RAB28: variants seen among roughly 807,000 people sequenced by gnomAD.
RAB28 encodes the protein RAB28, member RAS oncogene family, also known as ras-related protein Rab-28.
Under a neutral mutation model 31.7 loss-of-function variants are expected in RAB28, and 24 were observed. That is an observed-to-expected ratio of 0.76 (90% CI 0.55 to 1.06). The LOEUF (loss-of-function observed/expected upper bound fraction) is 1.06. Ranked by LOEUF, RAB28 falls within the 50% of genes least tolerant of loss-of-function variation. RAB28 has a pLI of 0.00. For missense variants in RAB28, 254 were observed against 258.5 expected (o/e 0.98, Z 0.12); for synonymous variants, 100 against 90.4 (o/e 1.11, Z -0.60).
At chr4:13,400,452 C>T (rs996721475) in intron 4 of RAB28, among the ~76,000 whole-genome samples, 2 of 152,078 alleles carry the variant, frequency 1.3e-5, no homozygotes, top group African/African-American at 4.8e-5. Flanking sequence ...TCTTTGTATC[C>T]TTGAAAATGG....
chr4:13,394,141 A>C (rs959247339), intron 4 of RAB28, among the ~76,000 whole-genome samples: 6 of 152,150 alleles, frequency 3.9e-5, no homozygotes, highest in Non-Finnish European at 5.9e-5. Flanking sequence ...GAGGAGTAGG[A>C]ATCAGGATAG....
intron 3 of RAB28, among the ~76,000 whole-genome samples, chr4:13,473,040 A>C (rs1035541216): frequency 1.3e-5 from 2 of 151,948 alleles, no homozygotes; most frequent in African/African-American, 4.8e-5. Context: ...CAATGCAAAA[A>C]ATCAAAACTC....
At chr4:13,473,384 A>C (rs1057038715) in intron 3 of RAB28, among the ~76,000 whole-genome samples, 3 of 151,956 alleles carry the variant, frequency 2.0e-5, no homozygotes, top group African/African-American at 7.2e-5. Flanking sequence ...AGAGAAAAAA[A>C]GCAAAAATAA....
intron 4 of RAB28, among the ~76,000 whole-genome samples, chr4:13,446,301 G>A (rs1714691718): frequency 6.6e-6 from 1 of 152,130 alleles, no homozygotes; most frequent in South Asian, 2.1e-4. Flanking sequence ...TAGTTTGCGG[G>A]GCTCTGTGGG....
At chr4:13,392,094 T>A (rs1053793803) in intron 4 of RAB28, among the ~76,000 whole-genome samples, 8 of 152,146 alleles carry the variant, frequency 5.3e-5, no homozygotes, top group Non-Finnish European at 7.4e-5. Context: ...TATAATTTTT[T>A]AAAAAATTCT....
At chr4:13,425,577 A>T (rs1199923777) in intron 4 of RAB28, among the ~76,000 whole-genome samples, 3 of 152,136 alleles carry the variant, frequency 2.0e-5, no homozygotes, top group Non-Finnish European at 2.9e-5. Flanking sequence ...ATATGTACAC[A>T]TGCAATTGAA....
rs542239726 is a variant in RAB28 at position 13,406,854 on chromosome 4, T to C, written c.392-25260A>G. Among the ~76,000 whole-genome samples, 5 of 152,364 alleles carry C rather than the reference T, an allele frequency of 3.3e-5. No homozygotes were observed. The South Asian group carries it at 1.0e-3, about 32-fold the overall frequency. ...CCCACTTTTTGATGGGGTTGTTTTTTTCTTGTAAATTTGTTTAAGTTCCTT... is the reference window on the plus strand; with the variant it reads ...CCCACTTTTTGATGGGGTTGTTTTTCTCTTGTAAATTTGTTTAAGTTCCTT... On this transcript the variant is annotated intron_variant, in intron 4 of 6. Coordinates refer to ENST00000330852, the MANE Select transcript of RAB28 (RefSeq NM_001017979.3).
chr4:13,425,286 A>AGT (rs1713409805), intron 4 of RAB28, among the ~76,000 whole-genome samples: 3 of 152,214 alleles, frequency 2.0e-5, no homozygotes, highest in African/African-American at 7.2e-5. Flanking sequence ...ACTTTTAAGA[A>AGT]ACTATTTGAT....
At chr4:13,474,083 G>A (rs1470498438) in intron 3 of RAB28, 2 of 653,178 alleles carry the variant, frequency 3.1e-6, no homozygotes, top group Non-Finnish European at 5.7e-6. Context: ...ACCTAGTAAT[G>A]TAAATAACAT....
At chr4:13,456,345 T>G (rs1278494402) in intron 4 of RAB28, among the ~76,000 whole-genome samples, 1 of 152,344 alleles carries the variant, frequency 6.6e-6, no homozygotes, top group East Asian at 1.9e-4. Flanking sequence ...ATAAATCAAG[T>G]TGAAGCTATC....
chr4:13,460,548 C>G, intron 4 of RAB28, 151 bp downstream of exon 4: 1 of 895,312 alleles, frequency 1.1e-6, no homozygotes, highest in East Asian at 2.6e-5. Flanking sequence ...ACTCTCATGA[C>G]CTAATTACCT....
chr4:13,404,031 C>T (rs1711928345), intron 4 of RAB28, among the ~76,000 whole-genome samples: 1 of 151,964 alleles, frequency 6.6e-6, no homozygotes, highest in South Asian at 2.1e-4. Flanking sequence ...TGACAATAAG[C>T]CAATAAATAA....
At chr4:13,427,881 G>T (rs1283252999) in intron 4 of RAB28, among the ~76,000 whole-genome samples, 1 of 152,212 alleles carries the variant, frequency 6.6e-6, no homozygotes, top group African/African-American at 2.4e-5. Context: ...CAGACACCGA[G>T]TTAAAGAACG....
At chr4:13,482,392 T>C (rs899306437) in intron 1 of RAB28, among the ~76,000 whole-genome samples, 3 of 152,072 alleles carry the variant, frequency 2.0e-5, no homozygotes, top group African/African-American at 4.8e-5. Context: ...TGATAGCATA[T>C]AGGATAACCA....
At chr4:13,373,542 C>T (rs1728798532) in intron 6 of RAB28, among the ~76,000 whole-genome samples, 1 of 152,096 alleles carries the variant, frequency 6.6e-6, no homozygotes, top group African/African-American at 2.4e-5. Context: ...TCTAGTGTGG[C>T]CCCCTGGCAT....
intron 4 of RAB28, among the ~76,000 whole-genome samples, chr4:13,435,415 A>T (rs889876482): frequency 3.3e-5 from 5 of 152,238 alleles, no homozygotes; most frequent in African/African-American, 9.6e-5. Flanking sequence ...AAGAAAAAAA[A>T]ATATAAAGGA....
At chr4:13,369,042 T>C (rs1187061061) in intron 6 of RAB28, among the ~76,000 whole-genome samples, 1 of 152,198 alleles carries the variant, frequency 6.6e-6, no homozygotes, top group Non-Finnish European at 1.5e-5. Context: ...CATTATTGAT[T>C]AATATTTCCA....
chr4:13,479,271 G>A (rs1249249261), intron 2 of RAB28, among the ~76,000 whole-genome samples, 159 bp downstream of exon 2: 1 of 151,630 alleles, frequency 6.6e-6, no homozygotes, highest in Non-Finnish European at 1.5e-5. Context: ...ATGCTTTCAT[G>A]ATAGATTGTG....
chr4:13,397,291 CAT>C (rs1198959876), intron 4 of RAB28, among the ~76,000 whole-genome samples: 2 of 152,004 alleles, frequency 1.3e-5, no homozygotes, highest in African/African-American at 4.8e-5. Flanking sequence ...GACACATACA[CAT>C]ATTATGAAAA....
Sources: gnomAD v4.1 joint callset for allele counts (sites outside exome capture counted in the v4.1 genomes callset) on GRCh38, gnomAD v4.1.1 for gene constraint, MANE v1.5 for transcripts, NCBI Gene and HGNC (gene_info 2026-07-23, HGNC 2026-07-21) for gene names.